The following WNT9B variants were observed in gnomAD, a reference collection of about 807,000 sequenced individuals.
The protein encoded by WNT9B is protein Wnt-9b.
Under a neutral mutation model 30.2 loss-of-function variants are expected in WNT9B, and 12 were observed. That is an observed-to-expected ratio of 0.40 (90% CI 0.26 to 0.64). The LOEUF (loss-of-function observed/expected upper bound fraction) is 0.64. WNT9B is among the 30% of genes least tolerant of loss of function. The pLI is 0.42. For synonymous variants in WNT9B, 218 were observed against 216.9 expected, an observed-to-expected ratio of 1.01 and a Z score of -0.05; for missense variants, 442 against 485.2, an observed-to-expected ratio of 0.91 and a Z score of 0.84.
chr17:46,861,427 G>A (rs2146568324), intron 1 of WNT9B, among the ~76,000 whole-genome samples: 1 of 152,110 alleles, frequency 6.6e-6, no homozygotes, highest in South Asian at 2.1e-4. Flanking sequence ...ATCTCCCTCT[G>A]TGCCCTGTCC....
chr17:46,833,472 C>A (rs771508137), intron 1 of WNT9B: 3 of 487,982 alleles, frequency 6.1e-6, no homozygotes, highest in Non-Finnish European at 8.2e-6. Context: ...ACAGCCAACC[C>A]ACCCCGACTC....
chr17:46,839,918 TTCTTTCTTTC>T (rs1236173761), intron 1 of WNT9B, among the ~76,000 whole-genome samples: 2 of 76,100 alleles, frequency 2.6e-5, no homozygotes, highest in Non-Finnish European at 5.5e-5. Flanking sequence ...TCTCTTTTCT[TTCTTTCTTTC>T]TTTCTTTCTT....
At chr17:46,865,586 G>A (rs953401180) in intron 1 of WNT9B, among the ~76,000 whole-genome samples, 1 of 152,130 alleles carries the variant, frequency 6.6e-6, no homozygotes, top group Admixed American at 6.5e-5. Flanking sequence ...AGGTCTGTGG[G>A]TGGACTGGGC....
rs570370008 is a variant in WNT9B at position 46,860,230 on chromosome 17, C to T, written c.77+8515C>T. On this transcript the variant is annotated intron_variant, in intron 1 of 3. Coordinates refer to ENST00000290015, the MANE Select transcript of WNT9B (RefSeq NM_003396.3). ...ATGGTGGACTTTCTGTGGCTGAGGA[C>T]GGGAAGGAGGAGAGGAGGGAAGCGG... Among the ~76,000 whole-genome samples the T allele has an allele frequency of 4.6e-5, 7 of 152,056 alleles. No homozygotes were observed. The East Asian group carries it at 7.7e-4, about 17-fold the overall frequency.
chr17:46,884,168 A>G (rs1244046113), downstream of WNT9B, among the ~76,000 whole-genome samples: 2 of 152,048 alleles, frequency 1.3e-5, no homozygotes, highest in Non-Finnish European at 2.9e-5. Flanking sequence ...CTCTTCCCAC[A>G]CAGCCCCACC....
At chr17:46,852,045 CGTCA>C (rs1352169393) in intron 1 of WNT9B, among the ~76,000 whole-genome samples, 1 of 152,250 alleles carries the variant, frequency 6.6e-6, no homozygotes, top group Non-Finnish European at 1.5e-5. Flanking sequence ...CCCGTTCAGG[CGTCA>C]GTCCCGCTCT....
At chr17:46,869,950 G>A (rs981262358) in intron 1 of WNT9B, among the ~76,000 whole-genome samples, 1 of 151,802 alleles carries the variant, frequency 6.6e-6, no homozygotes, top group Admixed American at 6.6e-5. Context: ...AGTGAGCTGA[G>A]ATCACACCAC....
chr17:46,880,972 T>C (rs1301738985), downstream of WNT9B, among the ~76,000 whole-genome samples: 1 of 152,184 alleles, frequency 6.6e-6, no homozygotes, highest in African/African-American at 2.4e-5. Flanking sequence ...TACAGTCTAA[T>C]AGGAGAAATG....
intron 1 of WNT9B, among the ~76,000 whole-genome samples, chr17:46,855,842 G>A (rs2084929103): frequency 6.6e-6 from 1 of 152,032 alleles, no homozygotes; most frequent in Admixed American, 6.6e-5. Flanking sequence ...GAGATTGCAG[G>A]CATGTGCCAC....
At chr17:46,863,001 C>G (rs2085067233) in intron 1 of WNT9B, among the ~76,000 whole-genome samples, 1 of 152,260 alleles carries the variant, frequency 6.6e-6, no homozygotes, top group Non-Finnish European at 1.5e-5. Context: ...GGGAACGGGC[C>G]TGGCTCTCAG....
In WNT9B at chr17:46,875,260, A is replaced by G; in HGVS notation, c.494A>G (p.Asn165Ser). 6.2e-7 allele frequency: 1 copy of G among 1,614,140 alleles called. No homozygotes were observed. Among genetic ancestry groups the G allele is most frequent in the Non-Finnish European group, 8.5e-7 (1 of 1,180,012 alleles). ...QAWQWGVCGD[N>S]LKYSTKFLSN... ...TGGCAGTGGGGCGTGTGCGGTGACA[A>G]CCTCAAGTACAGCACCAAGTTTCTG... The change falls in exon 3 of 4, where the codon AAC becomes AGC. Residue 165 changes from asparagine (N) to serine (S), a missense_variant. By Grantham distance (46) the Asn-to-Ser change is conservative. Coordinates refer to ENST00000290015, the MANE Select transcript of WNT9B (RefSeq NM_003396.3).
At chr17:46,834,094 C>G (rs1239031385) in intron 1 of WNT9B, among the ~76,000 whole-genome samples, 1 of 152,054 alleles carries the variant, frequency 6.6e-6, no homozygotes, top group Non-Finnish European at 1.5e-5. Flanking sequence ...ACTCGGGAGG[C>G]TGAGGGGAGA....
downstream of WNT9B, among the ~76,000 whole-genome samples, chr17:46,882,244 C>G (rs2085432917): frequency 6.6e-6 from 1 of 152,202 alleles, no homozygotes; most frequent in South Asian, 2.1e-4. Flanking sequence ...GTTTTCATGT[C>G]TCTCCAGCTC....
chr17:46,859,097 C>T (rs544267296), intron 1 of WNT9B, among the ~76,000 whole-genome samples: 2 of 152,056 alleles, frequency 1.3e-5, no homozygotes, highest in African/African-American at 4.8e-5. Flanking sequence ...CTGACTCAGC[C>T]TCCTGAGTAG....
chr17:46,849,260 C>G (rs1391630789), upstream of WNT9B, among the ~76,000 whole-genome samples: 1 of 152,232 alleles, frequency 6.6e-6, no homozygotes, highest in African/African-American at 2.4e-5. Context: ...TTCTTCCAGT[C>G]TTTGATTCAT....
chr17:46,869,056 G>C (rs1041894209), intron 1 of WNT9B, among the ~76,000 whole-genome samples: 1 of 152,194 alleles, frequency 6.6e-6, no homozygotes, highest in Non-Finnish European at 1.5e-5. Context: ...GGCCTCCCAG[G>C]CTGTCTTCAT....
At chr17:46,854,773 GC>G (rs1323541994) in intron 1 of WNT9B, among the ~76,000 whole-genome samples, 1 of 152,056 alleles carries the variant, frequency 6.6e-6, no homozygotes, top group Non-Finnish European at 1.5e-5. Flanking sequence ...CAATTTTCCT[GC>G]CTCAGCTTTC....
At chr17:46,836,095 CGTGTGTG>C (rs1056556761) in intron 1 of WNT9B, among the ~76,000 whole-genome samples, 4 of 126,434 alleles carry the variant, frequency 3.2e-5, no homozygotes, top group Non-Finnish European at 6.5e-5. Context: ...GAGACGCTGA[CGTGTGTG>C]TGTGTGTGTG....
chr17:46,843,141 G>T (rs1428094419), intron 1 of WNT9B, among the ~76,000 whole-genome samples: 1 of 152,226 alleles, frequency 6.6e-6, no homozygotes, highest in Non-Finnish European at 1.5e-5. Context: ...CAGAGAGGGA[G>T]AAACTAGGGT....
Sources: allele counts gnomAD v4.1 joint callset (sites outside exome capture counted in the v4.1 genomes callset), GRCh38; gene constraint gnomAD v4.1.1; transcripts MANE v1.5; gene names NCBI Gene and HGNC (gene_info 2026-07-23, HGNC 2026-07-21).